The following RBFOX1 variants were observed in gnomAD, a reference collection of about 807,000 sequenced individuals.
RBFOX1 encodes the protein RNA binding protein fox-1 homolog 1.
Under a neutral mutation model 57.7 loss-of-function variants are expected in RBFOX1, and 8 were observed. The ratio of observed to expected loss-of-function variants is 0.14; its 90% CI spans 0.08 to 0.25. The LOEUF is 0.25. Among genes scored for constraint, RBFOX1 ranks in the 10% least tolerant of loss-of-function variants. The pLI, the probability that RBFOX1 is intolerant of heterozygous loss-of-function variation, is 1.00. For missense variants in RBFOX1, 611 were observed against 548.5 expected, an observed-to-expected ratio of 1.11 and a Z score of -1.14; for synonymous variants, 326 against 222.4, an observed-to-expected ratio of 1.47 and a Z score of -4.15.
rs187863687 is a variant in RBFOX1 at position 5,609,514 on chromosome 16, C to G, written c.318+10553C>G. Among the ~76,000 whole-genome samples the G allele has an allele frequency of 1.2e-4, 18 of 152,268 alleles. 1 individual carries two copies. Among genetic ancestry groups the G allele is most frequent in the African/African-American group, 4.3e-4 (18 of 41,546 alleles). The stretch of plus-strand genomic sequence containing the variant: ...TTCTTGTGGAGACAAAGGGCAGGAT[C>G]GTCCTGGAGTAGTGGCAGGTGTCAA... On this transcript the variant is annotated intron_variant, in intron 3 of 19. Transcript: ENST00000641259.
chr16:6,893,300 G>A (rs536462955), intron 3 of RBFOX1, among the ~76,000 whole-genome samples: 3 of 152,218 alleles, frequency 2.0e-5, no homozygotes, highest in South Asian at 2.1e-4. Flanking sequence ...ACTGGGAGTC[G>A]GGAAAGAAAG....
At chr16:6,998,266 G>T (rs1028323706) in intron 3 of RBFOX1, among the ~76,000 whole-genome samples, 1 of 152,096 alleles carries the variant, frequency 6.6e-6, no homozygotes, top group African/African-American at 2.4e-5. Context: ...AAGCCTATGG[G>T]GTTCTAGAAA....
At chr16:7,131,620 C>G (rs947950665) in intron 4 of RBFOX1, among the ~76,000 whole-genome samples, 4 of 151,678 alleles carry the variant, frequency 2.6e-5, no homozygotes, top group East Asian at 2.0e-4. Flanking sequence ...TACCATCCCT[C>G]AAGCAGAGAG....
chr16:7,374,290 G>C (rs2097642776), intron 4 of RBFOX1, among the ~76,000 whole-genome samples: 3 of 152,112 alleles, frequency 2.0e-5, no homozygotes, highest in Admixed American at 2.0e-4. Flanking sequence ...CTGTGTAAGG[G>C]GAATAGCGGA....
intron 4 of RBFOX1, among the ~76,000 whole-genome samples, chr16:7,119,446 T>C (rs942668050): frequency 2.0e-5 from 3 of 152,082 alleles, no homozygotes; most frequent in African/African-American, 7.2e-5. Context: ...ACAGAACTAG[T>C]AAACTGACCA....
intron 4 of RBFOX1, among the ~76,000 whole-genome samples, chr16:7,493,354 A>C (rs538472237): frequency 6.6e-6 from 1 of 152,232 alleles, no homozygotes; most frequent in Non-Finnish European, 1.5e-5. Context: ...TTTATTGGAC[A>C]GTCTTCCCCT....
intron 4 of RBFOX1, among the ~76,000 whole-genome samples, chr16:5,904,033 G>T (rs1478837079): frequency 6.6e-6 from 1 of 152,156 alleles, no homozygotes; most frequent in Non-Finnish European, 1.5e-5. Context: ...CAGCGAGGCA[G>T]CCATGTGCGT....
Position 5,268,424 on chromosome 16 carries a change from T to C in RBFOX1, c.219+28319T>C, listed in dbSNP as rs763582788. On this transcript the variant is annotated intron_variant, in intron 1 of 2. Coordinates refer to the RBFOX1 transcript ENST00000585867. ...GGAAAGTCAGTTCTTAGTCAAGAGTTAGGATTTCAAAGACAGTGGATAAAA... is the reference window on the plus strand; with the variant it reads ...GGAAAGTCAGTTCTTAGTCAAGAGTCAGGATTTCAAAGACAGTGGATAAAA... Among the ~76,000 whole-genome samples, 11 of 152,316 alleles carry C rather than the reference T, an allele frequency of 7.2e-5. 2 individuals carry two copies. In the Middle Eastern group the frequency reaches 0.02, roughly 283 times the overall value.
intron 4 of RBFOX1, among the ~76,000 whole-genome samples, chr16:7,478,684 C>G (rs1003157623): frequency 6.6e-6 from 1 of 152,154 alleles, no homozygotes; most frequent in Non-Finnish European, 1.5e-5. Context: ...CAACAAAAAC[C>G]TCAACCTCTG....
At chr16:6,660,426 A>G (rs1222334379) in intron 3 of RBFOX1, among the ~76,000 whole-genome samples, 2 of 152,104 alleles carry the variant, frequency 1.3e-5, no homozygotes, top group Non-Finnish European at 2.9e-5. Context: ...ATTCTTGCAT[A>G]GGTAATGGTT....
At chr16:6,173,374 T>C (rs1049714612) in intron 1 of RBFOX1, among the ~76,000 whole-genome samples, 1 of 152,192 alleles carries the variant, frequency 6.6e-6, no homozygotes, top group Non-Finnish European at 1.5e-5. Context: ...ACCTGGCACA[T>C]GGGTGAGACC....
intron 3 of RBFOX1, among the ~76,000 whole-genome samples, chr16:5,718,043 T>C (rs1437610547): frequency 6.6e-6 from 1 of 152,186 alleles, no homozygotes; most frequent in Non-Finnish European, 1.5e-5. Flanking sequence ...CTCTTGACTT[T>C]GGTATTGGCC....
chr16:7,500,171 G>A (rs1056386752), intron 4 of RBFOX1, among the ~76,000 whole-genome samples: 15 of 152,166 alleles, frequency 9.9e-5, no homozygotes, highest in African/African-American at 3.6e-4. Flanking sequence ...AAGAAGCACA[G>A]ACTCTCCAGT....
rs114076459 is a variant in RBFOX1, at chr16:5,398,684, G to T, written c.220-68532G>T. On this transcript the variant is annotated intron_variant, in intron 1 of 2. Transcript: ENST00000585867. ...CAGTGGGAGGATAGCAAGGTTGACAGTGGGGGAGGAAGGAGGCTGATGAGC... is the reference window on the plus strand; with the variant it reads ...CAGTGGGAGGATAGCAAGGTTGACATTGGGGGAGGAAGGAGGCTGATGAGC... Among the ~76,000 whole-genome samples, 420 of 152,246 alleles carry T rather than the reference G, an allele frequency of 2.8e-3. 1 individual carries two copies. Among genetic ancestry groups the T allele is most frequent in the African/African-American group, 9.5e-3 (396 of 41,524 alleles).
chr16:6,118,791 C>T (rs748443651), intron 1 of RBFOX1, among the ~76,000 whole-genome samples: 1 of 146,440 alleles, frequency 6.8e-6, no homozygotes, highest in Non-Finnish European at 1.5e-5. Context: ...CTCTCTTTCT[C>T]TCTCTCCTTC....
At chr16:6,016,728 G>A (rs995532156), upstream of RBFOX1, among the ~76,000 whole-genome samples, 14 of 152,190 alleles carry the variant, frequency 9.2e-5, no homozygotes, top group African/African-American at 2.7e-4. Context: ...ATAGCAGGGC[G>A]ATTCTTGGCC....
intron 1 of RBFOX1, among the ~76,000 whole-genome samples, chr16:5,266,802 G>A (rs980301713): frequency 2.6e-5 from 4 of 151,986 alleles, no homozygotes; most frequent in African/African-American, 9.7e-5. Context: ...CAAGCAATCT[G>A]CTCACCTCGG....
At chr16:6,186,619 C>T (rs1359034689) in intron 1 of RBFOX1, among the ~76,000 whole-genome samples, 1 of 151,964 alleles carries the variant, frequency 6.6e-6, no homozygotes, top group Non-Finnish European at 1.5e-5. Flanking sequence ...TTGGTGTGGA[C>T]CATGCCATAG....
At chr16:7,064,923 C>T (rs138461795) in intron 4 of RBFOX1, among the ~76,000 whole-genome samples, 2 of 152,322 alleles carry the variant, frequency 1.3e-5, no homozygotes, top group East Asian at 1.9e-4. Context: ...TTCTTGTTTA[C>T]TTAAAAAATA....
Sources: allele counts gnomAD v4.1 joint callset (sites outside exome capture counted in the v4.1 genomes callset), GRCh38; gene constraint gnomAD v4.1.1; transcripts MANE v1.5; gene names NCBI Gene and HGNC (gene_info 2026-07-23, HGNC 2026-07-21).